SH3RF3: variants seen among roughly 807,000 people sequenced by gnomAD.
The protein encoded by SH3RF3 is E3 ubiquitin-protein ligase SH3RF3.
In SH3RF3, 29 loss-of-function variants were observed where a neutral mutation model predicts 66.3. The observed-to-expected ratio is 0.44, with a 90% CI of 0.33 to 0.60. The LOEUF is 0.60. Ranked by LOEUF, SH3RF3 falls within the 20% of genes least tolerant of loss-of-function variation. SH3RF3 has a pLI of 0.04. For synonymous variants in SH3RF3, 583 were observed against 532.0 expected (o/e 1.10, Z -1.32); for missense variants, 1,194 against 1,190.9 (o/e 1.00, Z -0.04).
rs1676651204 is a variant in SH3RF3 at position 109,130,070 on chromosome 2, G to A, written c.530G>A (p.Ser177Asn). 1.5e-6 allele frequency: 2 copies of A among 1,368,026 alleles called. No individual in the cohort carries two copies. Among genetic ancestry groups the A allele is most frequent in the South Asian group, 1.7e-5 (1 of 59,082 alleles). 84.7% of individuals were successfully genotyped at this position (1,368,026 alleles called of 1,614,324 possible). A position where few individuals can be genotyped will look rare whatever the true frequency, so the allele number is the denominator to read the frequency against. The change falls in exon 1 of 10, where the codon AGT becomes AAT. Residue 177 changes from serine (S) to asparagine (N), a missense_variant. Ser to Asn is a conservative substitution (Grantham distance 46). Transcript: ENST00000309415. ...GCGGCCGCGGGCAGCACCGCCGGCA[G>A]TCTGCGGGAGCTGGCGACCAGCAGG... ...LSAAAGSTAG[S>N]LRELATSRTA... is the part of the protein sequence containing the mutation.
chr2:109,261,026 G>C (rs1680341248), intron 1 of SH3RF3, among the ~76,000 whole-genome samples: 1 of 152,192 alleles, frequency 6.6e-6, no homozygotes, highest in African/African-American at 2.4e-5. Flanking sequence ...AGAGGGCACT[G>C]TGTCTGCAGG....
chr2:109,163,863 TA>T (rs1473164300), intron 1 of SH3RF3, among the ~76,000 whole-genome samples: 1 of 152,204 alleles, frequency 6.6e-6, no homozygotes, highest in Non-Finnish European at 1.5e-5. Context: ...TATTACCAAC[TA>T]TTTGTGGTTG....
intron 7 of SH3RF3, among the ~76,000 whole-genome samples, chr2:109,440,669 A>G (rs1186695616): frequency 7.9e-5 from 12 of 152,168 alleles, no homozygotes; most frequent in Admixed American, 6.5e-4. Flanking sequence ...GGCAGTGGCA[A>G]AAGGAGGCAG....
intron 1 of SH3RF3, among the ~76,000 whole-genome samples, chr2:109,178,839 T>G (rs937772899): frequency 3.3e-5 from 5 of 152,218 alleles, no homozygotes; most frequent in Non-Finnish European, 7.3e-5. Flanking sequence ...GAAATGAATA[T>G]GGACATATTC....
At chr2:109,333,665 T>G (rs1357508358) in intron 1 of SH3RF3, among the ~76,000 whole-genome samples, 4 of 152,192 alleles carry the variant, frequency 2.6e-5, no homozygotes, top group African/African-American at 4.8e-5. Flanking sequence ...AGACAAAGTT[T>G]GCTGACCGCT....
chr2:109,474,863 C>T (rs1678638803), intron 8 of SH3RF3, among the ~76,000 whole-genome samples: 2 of 152,376 alleles, frequency 1.3e-5, no homozygotes, highest in South Asian at 4.1e-4. Flanking sequence ...ACTCATAGTC[C>T]AGCAACCCTC....
chr2:109,385,239 A>G (rs578051339), intron 3 of SH3RF3, among the ~76,000 whole-genome samples: 1 of 152,332 alleles, frequency 6.6e-6, no homozygotes, highest in Non-Finnish European at 1.5e-5. Context: ...AAGGGTTCTT[A>G]GGAGGATTAA....
intron 1 of SH3RF3, among the ~76,000 whole-genome samples, chr2:109,312,584 A>C (rs780281489): frequency 2.1e-5 from 3 of 143,358 alleles, no homozygotes; most frequent in Non-Finnish European, 4.6e-5. Context: ...TTTCTCTGTG[A>C]ATTTGCCCAC....
intron 1 of SH3RF3, among the ~76,000 whole-genome samples, chr2:109,316,386 A>G (rs1486233118): frequency 1.3e-5 from 2 of 152,186 alleles, no homozygotes; most frequent in African/African-American, 2.4e-5. Flanking sequence ...CCCTGGTGCC[A>G]TGTTTCTCCC....
At chr2:109,473,522 A>G (rs184976556) in intron 8 of SH3RF3, among the ~76,000 whole-genome samples, 3 of 152,346 alleles carry the variant, frequency 2.0e-5, no homozygotes, top group Non-Finnish European at 4.4e-5. Flanking sequence ...GAGCCATGCC[A>G]GGGTTAGAGC....
chr2:109,170,272 CTCTTCTCTTCTCTTCTCTTCTCTT>C (rs1242353646), intron 1 of SH3RF3, among the ~76,000 whole-genome samples: 41 of 99,754 alleles, frequency 4.1e-4, no homozygotes, highest in Non-Finnish European at 4.9e-4. Context: ...CTCTTCTCTT[CTCTTCTCTTCTCTTCTCTTCTCTT>C]CTCTTCTCTT....
chr2:109,298,149 C>T (rs538169175), intron 1 of SH3RF3, among the ~76,000 whole-genome samples: 68 of 152,192 alleles, frequency 4.5e-4, no homozygotes, highest in South Asian at 3.5e-3. Context: ...TAGCCAAGGG[C>T]GGGTGGATGG....
intron 2 of SH3RF3, among the ~76,000 whole-genome samples, chr2:109,352,652 G>C (rs1450740167): frequency 1.3e-5 from 2 of 152,206 alleles, no homozygotes; most frequent in African/African-American, 4.8e-5. Flanking sequence ...TTACCCTGAA[G>C]TTACCCGAGA....
chr2:109,378,466 A>G (rs1236149994), intron 3 of SH3RF3, among the ~76,000 whole-genome samples: 2 of 152,172 alleles, frequency 1.3e-5, no homozygotes, highest in Non-Finnish European at 2.9e-5. Flanking sequence ...TAGAGGCTGC[A>G]TGGGCTTATG....
intron 1 of SH3RF3, among the ~76,000 whole-genome samples, chr2:109,337,541 G>A (rs1006430065): frequency 6.6e-6 from 1 of 152,194 alleles, no homozygotes; most frequent in Non-Finnish European, 1.5e-5. Flanking sequence ...CACCCTCAGC[G>A]TTTCCACCCT....
chr2:109,202,301 G>A (rs13427247), intron 1 of SH3RF3, among the ~76,000 whole-genome samples: 39,950 of 151,972 alleles, frequency 0.26, 5,646 homozygotes, highest in East Asian at 0.49. Context: ...GGACCCCCTC[G>A]GAGGGGAGCG....
At chr2:109,242,429 A>G (rs917870247) in intron 1 of SH3RF3, among the ~76,000 whole-genome samples, 3 of 152,124 alleles carry the variant, frequency 2.0e-5, no homozygotes, top group Non-Finnish European at 2.9e-5. Flanking sequence ...CCGTGCCTAG[A>G]GTCCTGGGCC....
chr2:109,398,278 G>A (rs756270005), intron 3 of SH3RF3, among the ~76,000 whole-genome samples: 3 of 152,150 alleles, frequency 2.0e-5, no homozygotes, highest in African/African-American at 4.8e-5. Context: ...TCTGCAAGGC[G>A]GCACCGTGCA....
chr2:109,155,614 G>C (rs772264876), intron 1 of SH3RF3, among the ~76,000 whole-genome samples: 2 of 152,084 alleles, frequency 1.3e-5, no homozygotes, highest in African/African-American at 4.8e-5. Context: ...TCTTTGTTTT[G>C]ATGACACAAT....
Sources: gnomAD v4.1 joint callset for allele counts (sites outside exome capture counted in the v4.1 genomes callset) on GRCh38, gnomAD v4.1.1 for gene constraint, MANE v1.5 for transcripts, NCBI Gene and HGNC (gene_info 2026-07-23, HGNC 2026-07-21) for gene names.